The following PPP2R3A variants were observed in gnomAD, a reference collection of about 807,000 sequenced individuals.
PPP2R3A encodes protein phosphatase 2 regulatory subunit B''alpha.
PPP2R3A carries 80 observed loss-of-function variants against 106.9 expected under a neutral mutation model. That is an observed-to-expected ratio of 0.75 (90% CI 0.62 to 0.90). PPP2R3A has a LOEUF of 0.90. PPP2R3A is among the 40% of genes least tolerant of loss of function. The pLI, the probability that PPP2R3A is intolerant of heterozygous loss-of-function variation, is 0.00. For synonymous variants in PPP2R3A, 483 were observed against 468.3 expected, an observed-to-expected ratio of 1.03 and a Z score of -0.41; for missense variants, 1,386 against 1,350.4, an observed-to-expected ratio of 1.03 and a Z score of -0.41.
intron 5 of PPP2R3A, among the ~76,000 whole-genome samples, chr3:136,069,464 C>T (rs1936361425): frequency 6.6e-6 from 1 of 152,112 alleles, no homozygotes; most frequent in South Asian, 2.1e-4. Flanking sequence ...GTAGTCCCAG[C>T]TACTCAAGAG....
chr3:136,119,112 C>A (rs1043522316), intron 13 of PPP2R3A, among the ~76,000 whole-genome samples: 2 of 152,114 alleles, frequency 1.3e-5, no homozygotes, highest in Admixed American at 6.5e-5. Context: ...CAAAAACAAG[C>A]AATGGGAAAA....
intron 2 of PPP2R3A, among the ~76,000 whole-genome samples, chr3:136,022,489 A>G (rs976393220): frequency 1.3e-5 from 2 of 152,156 alleles, no homozygotes; most frequent in Non-Finnish European, 1.5e-5. Flanking sequence ...TAAAAAATAA[A>G]AAACTATTCT....
At chr3:136,142,018 C>CCAT (rs2108037937) in intron 13 of PPP2R3A, among the ~76,000 whole-genome samples, 1 of 152,186 alleles carries the variant, frequency 6.6e-6, no homozygotes, top group Non-Finnish European at 1.5e-5. Context: ...TCTGAAAGAG[C>CCAT]CATCTATATA....
chr3:135,976,158 T>C (rs1380918909), intron 1 of PPP2R3A, among the ~76,000 whole-genome samples: 1 of 152,178 alleles, frequency 6.6e-6, no homozygotes, highest in African/African-American at 2.4e-5. Flanking sequence ...AGGCCCATTG[T>C]TGCCCATGTA....
chr3:135,974,267 C>T (rs968647878), intron 1 of PPP2R3A, among the ~76,000 whole-genome samples: 2 of 152,166 alleles, frequency 1.3e-5, no homozygotes, highest in Admixed American at 6.6e-5. Flanking sequence ...ATTTCCTTGG[C>T]ATTTCAGTCA....
In PPP2R3A at chr3:136,003,028, T is replaced by C. The variant is rs776472615; in HGVS notation, c.1530T>C (p.Asp510=). 1.9e-6 allele frequency: 3 copies of C among 1,613,420 alleles called. No homozygotes were observed. Among genetic ancestry groups the C allele is most frequent in the Non-Finnish European group, 2.5e-6 (3 of 1,179,744 alleles). Residue 510 remains aspartate (D), a synonymous_variant, in exon 2 of 14, where the codon GAT becomes GAC. Coordinates refer to ENST00000264977, the MANE Select transcript of PPP2R3A (RefSeq NM_002718.5). ...FTNSSSQEEI[D]KLLMDLESFS... ...ATTCCAGTAGCCAGGAAGAGATAGA[T>C]AAATTGTTAATGGATTTGGAATCTT... is the stretch of plus-strand genomic sequence containing the variant.
At position 136,102,176 on chromosome 3, in the gene PPP2R3A, G is replaced by C; in HGVS notation, c.3097G>C (p.Val1033Leu). 1 of 1,612,934 alleles carries C rather than the reference G, an allele frequency of 6.2e-7. No homozygotes were observed. The highest frequency in any genetic ancestry group is 8.5e-7 in the Non-Finnish European group (1 of 1,179,948). Residue 1033 changes from valine to leucine, a missense_variant, in exon 11 of 14, where the codon GTT becomes CTT. By Grantham distance (32) the Val-to-Leu change is conservative. Coordinates refer to ENST00000264977, the MANE Select transcript of PPP2R3A (RefSeq NM_002718.5). ...CQMLDLVKPA[V>L]DGKITLRDLK... ...GATGCTTGACCTAGTGAAGCCAGCTGTTGATGGTGAGACCAAGCAATGGGA... is the reference window on the plus strand; with the variant it reads ...GATGCTTGACCTAGTGAAGCCAGCTCTTGATGGTGAGACCAAGCAATGGGA...
Position 136,146,157 on chromosome 3 carries a change from T to TATCA in PPP2R3A, c.*993_*996dup, listed in dbSNP as rs1559947946. On this transcript the variant is annotated 3_prime_UTR_variant, in exon 14 of 14. Transcript: ENST00000264977. ...CAGATATTTCATCCACCTCAGTATT[T>TATCA]ATCAAGGAAATGGAAAATGATACAG... 2 of 152,208 alleles carry TATCA rather than the reference T, an allele frequency of 1.3e-5. No individual in the cohort carries two copies. The highest frequency in any genetic ancestry group is 2.9e-5 in the Non-Finnish European group (2 of 68,036). The allele number at this position is 152,208 out of a possible 1,614,324, so 9.4% of individuals were successfully genotyped here.
chr3:136,139,714 T>A (rs1938779069), intron 13 of PPP2R3A, among the ~76,000 whole-genome samples: 6 of 145,934 alleles, frequency 4.1e-5, no homozygotes, highest in Admixed American at 4.1e-4. Flanking sequence ...AAAAAAGAGT[T>A]TGTTCTCAGC....
intron 4 of PPP2R3A, among the ~76,000 whole-genome samples, chr3:136,041,203 A>G (rs1446597184): frequency 2.7e-5 from 3 of 111,078 alleles, no homozygotes; most frequent in East Asian, 5.5e-4. Flanking sequence ...TTTAAAAACT[A>G]TTTGATAGTT....
chr3:136,087,717 A>T (rs929790625), intron 8 of PPP2R3A, 166 bp from the exon 9 acceptor site: 1 of 509,770 alleles, frequency 2.0e-6, no homozygotes, highest in Non-Finnish European at 3.5e-6. Flanking sequence ...GTTATTTTTT[A>T]AAATTATATT....
At chr3:136,023,866 A>G (rs1016015698) in intron 2 of PPP2R3A, among the ~76,000 whole-genome samples, 15 of 152,150 alleles carry the variant, frequency 9.9e-5, no homozygotes, top group Admixed American at 7.2e-4. Flanking sequence ...AACCTATGGC[A>G]GTGTTTCACC....
At chr3:136,008,103 A>T (rs1933909913) in intron 2 of PPP2R3A, among the ~76,000 whole-genome samples, 1 of 152,252 alleles carries the variant, frequency 6.6e-6, no homozygotes, top group Non-Finnish European at 1.5e-5. Flanking sequence ...AATAATTAGG[A>T]AAATAAATTT....
At chr3:136,071,660 C>T (rs1936433476) in intron 6 of PPP2R3A, among the ~76,000 whole-genome samples, 1 of 152,172 alleles carries the variant, frequency 6.6e-6, no homozygotes, top group African/African-American at 2.4e-5. Flanking sequence ...TCAGCCAGAT[C>T]ATGTCACTCC....
chr3:135,976,757 ACTT>A (rs1937432199), intron 1 of PPP2R3A, among the ~76,000 whole-genome samples: 1 of 152,064 alleles, frequency 6.6e-6, no homozygotes, highest in Non-Finnish European at 1.5e-5. Flanking sequence ...TAACTTTAAT[ACTT>A]CTTTTCTGCC....
At chr3:136,062,809 TA>T (rs1236213508) in intron 5 of PPP2R3A, among the ~76,000 whole-genome samples, 1 of 151,350 alleles carries the variant, frequency 6.6e-6, no homozygotes, top group African/African-American at 2.4e-5. Flanking sequence ...TGCTCATGGG[TA>T]GGAAGAATCA....
chr3:136,136,045 CAA>C (rs34558229), intron 13 of PPP2R3A, among the ~76,000 whole-genome samples: 2 of 22,380 alleles, frequency 8.9e-5, no homozygotes, highest in African/African-American at 3.3e-4. Flanking sequence ...GACTCCGTCT[CAA>C]AAAAAAAAAA....
At chr3:136,119,627 A>G (rs983238631) in intron 13 of PPP2R3A, among the ~76,000 whole-genome samples, 17 of 152,266 alleles carry the variant, frequency 1.1e-4, no homozygotes, top group African/African-American at 4.1e-4. Context: ...ATCACTGGTC[A>G]TTAGAGAAAT....
At chr3:136,050,164 G>A (rs13072433) in intron 5 of PPP2R3A, among the ~76,000 whole-genome samples, 55,659 of 151,960 alleles carry the variant, frequency 0.37, 11,780 homozygotes, top group African/African-American at 0.59. Flanking sequence ...CTCATTTATA[G>A]GGAGCAGCTT....
Sources: gnomAD v4.1 joint callset for allele counts (sites outside exome capture counted in the v4.1 genomes callset) on GRCh38, gnomAD v4.1.1 for gene constraint, MANE v1.5 for transcripts, NCBI Gene and HGNC (gene_info 2026-07-23, HGNC 2026-07-21) for gene names.